The following KCNN3 variants were observed in gnomAD, a reference collection of about 807,000 sequenced individuals.
KCNN3 encodes potassium calcium-activated channel subfamily N member 3, also known as small conductance calcium-activated potassium channel protein 3.
KCNN3 carries 16 observed loss-of-function variants against 62.9 expected under a neutral mutation model. The ratio of observed to expected loss-of-function variants is 0.25; its 90% CI spans 0.17 to 0.39. The LOEUF (loss-of-function observed/expected upper bound fraction) is 0.39. KCNN3 is among the 10% of genes least tolerant of loss of function. The pLI is 1.00. For missense variants in KCNN3, 599 were observed against 949.4 expected, an observed-to-expected ratio of 0.63 and a Z score of 4.85; for synonymous variants, 370 against 389.2, an observed-to-expected ratio of 0.95 and a Z score of 0.58.
intron 3 of KCNN3, among the ~76,000 whole-genome samples, chr1:154,755,589 AAGGG>A (rs542171950): frequency 0.16 from 18,810 of 115,016 alleles, 1,993 homozygotes; most frequent in African/African-American, 0.28. Flanking sequence ...AGAAAGAAAG[AAGGG>A]AGGGAGGGAG....
intron 1 of KCNN3, chr1:154,867,816 TACAC>T: frequency 7.7e-6 from 2 of 259,004 alleles, no homozygotes; most frequent in Non-Finnish European, 1.2e-5. Flanking sequence ...ATTACGCACA[TACAC>T]ACACACACAC....
In KCNN3 at chr1:154,707,908, G is replaced by A; in HGVS notation, c.*68C>T. On this transcript the variant is annotated 3_prime_UTR_variant, in exon 8 of 8. Transcript: ENST00000271915. Reference sequence around the variant, plus strand: ...GGTCTGAATGTTTCTTGATGGCAAAGCGACCAGGAGAGAGTTGATTTGCAT... The same window carrying A: ...GGTCTGAATGTTTCTTGATGGCAAAACGACCAGGAGAGAGTTGATTTGCAT... 6.7e-7 allele frequency: 1 copy of A among 1,502,970 alleles called. No individual in the cohort carries two copies. The highest frequency in any genetic ancestry group is 9.0e-7 in the Non-Finnish European group (1 of 1,105,916). 93.1% of individuals were successfully genotyped at this position (1,502,970 alleles called of 1,614,324 possible). A position where few individuals can be genotyped will look rare whatever the true frequency, so the allele number is the denominator to read the frequency against.
chr1:154,730,141 G>C (rs1182583223), intron 4 of KCNN3, among the ~76,000 whole-genome samples: 1 of 152,212 alleles, frequency 6.6e-6, no homozygotes, highest in Non-Finnish European at 1.5e-5. Context: ...TCTCTCTACT[G>C]TGTTGTCACC....
intron 2 of KCNN3, among the ~76,000 whole-genome samples, chr1:154,813,769 A>G (rs2101886655): frequency 6.6e-6 from 1 of 152,244 alleles, no homozygotes; most frequent in Admixed American, 6.5e-5. Flanking sequence ...ACAAAACAGA[A>G]AGTCAATACA....
In KCNN3 at chr1:154,862,461, G is replaced by A. The variant is rs1652804882; in HGVS notation, c.933+6571C>T. Among the ~76,000 whole-genome samples, 1 of 152,142 alleles carries A rather than the reference G, an allele frequency of 6.6e-6. No individual in the cohort carries two copies. The highest frequency in any genetic ancestry group is 1.5e-5 in the Non-Finnish European group (1 of 68,018). On this transcript the variant is annotated intron_variant, in intron 1 of 7. Coordinates refer to ENST00000271915, the MANE Select transcript of KCNN3 (RefSeq NM_002249.6). This position sits in a 1 kb window ranked among gnomAD's most constrained non-coding sequence, Gnocchi z 4.1. ...TGGAGGTGAGGGGTGAGAGAGTTAT[G>A]TATGGACATGTCCAGTCAGGTCTAG...
intron 3 of KCNN3, among the ~76,000 whole-genome samples, chr1:154,760,671 C>T (rs555705575): frequency 5.3e-5 from 8 of 152,334 alleles, no homozygotes; most frequent in Admixed American, 3.3e-4. Context: ...GGGAACCACC[C>T]GCGGACTCGC....
At chr1:154,728,380 C>T (rs1213760074) in intron 4 of KCNN3, among the ~76,000 whole-genome samples, 1 of 152,172 alleles carries the variant, frequency 6.6e-6, no homozygotes, top group Non-Finnish European at 1.5e-5. Context: ...TTAATTCCAA[C>T]TTAAATGGAT....
chr1:154,733,337 C>T (rs1700639373), intron 3 of KCNN3, among the ~76,000 whole-genome samples, 193 bp from the exon 4 acceptor site: 1 of 152,200 alleles, frequency 6.6e-6, no homozygotes, highest in African/African-American at 2.4e-5. Context: ...CCTGCAGCCC[C>T]CCGTCCCGTT....
At chr1:154,794,892 G>A (rs1464064296) in intron 2 of KCNN3, among the ~76,000 whole-genome samples, 1 of 152,164 alleles carries the variant, frequency 6.6e-6, no homozygotes, top group Non-Finnish European at 1.5e-5. Flanking sequence ...CTCTGAGGAG[G>A]CAGGGAGCTC....
intron 1 of KCNN3, among the ~76,000 whole-genome samples, chr1:154,843,835 G>A (rs1651932410): frequency 6.6e-6 from 1 of 152,228 alleles, no homozygotes; most frequent in Non-Finnish European, 1.5e-5. Flanking sequence ...ACAGACGTTT[G>A]GAGAAATAAT....
chr1:154,751,170 C>T (rs1469175262), intron 3 of KCNN3, among the ~76,000 whole-genome samples: 1 of 152,194 alleles, frequency 6.6e-6, no homozygotes, highest in African/African-American at 2.4e-5. Flanking sequence ...CCGCCCAACT[C>T]GCGGTGTGAG....
chr1:154,841,004 CA>C (rs1370141189), intron 1 of KCNN3, among the ~76,000 whole-genome samples: 3 of 150,228 alleles, frequency 2.0e-5, no homozygotes, highest in Non-Finnish European at 4.5e-5. Context: ...AGGTGGAGAC[CA>C]GGGGCAGGCC....
rs186060202 is a variant in KCNN3 at position 154,771,026 on chromosome 1, C to T, written c.1448+949G>A. Among the ~76,000 whole-genome samples, 206 of 151,704 alleles carry T rather than the reference C, an allele frequency of 1.4e-3. 1 individual carries two copies. Among genetic ancestry groups the T allele is most frequent in the African/African-American group, 4.8e-3 (198 of 41,270 alleles). ...GAGCAGAGACTATGCCACTGCACTC[C>T]AGCCTGGGCGAGAGAGCGAGACTCC... On this transcript the variant is annotated intron_variant, in intron 3 of 7. Transcript: ENST00000271915.
intron 6 of KCNN3, 121 bp downstream of exon 6, chr1:154,714,755 T>A: frequency 7.3e-7 from 1 of 1,361,750 alleles, no homozygotes; most frequent in Non-Finnish European, 1.0e-6. Flanking sequence ...TCAGACCCAG[T>A]TCACCACTCC....
intron 2 of KCNN3, among the ~76,000 whole-genome samples, chr1:154,778,993 G>T (rs555229936): frequency 4.6e-5 from 7 of 152,224 alleles, no homozygotes; most frequent in African/African-American, 1.7e-4. Flanking sequence ...TACAGCAGAG[G>T]TTTAAAAAAT....
intron 3 of KCNN3, 75 bp from the exon 4 acceptor site, chr1:154,733,219 G>T: frequency 6.8e-7 from 1 of 1,480,916 alleles, no homozygotes; most frequent in Non-Finnish European, 9.4e-7. Context: ...AACCTAGAGC[G>T]GGGAAGGAAA....
intron 1 of KCNN3, among the ~76,000 whole-genome samples, chr1:154,834,236 G>T (rs952205251): frequency 6.6e-6 from 1 of 152,186 alleles, no homozygotes; most frequent in South Asian, 2.1e-4. Flanking sequence ...GGCACGACAC[G>T]AGCCCCACTG....
chr1:154,711,709 T>C (rs964705709), intron 7 of KCNN3, among the ~76,000 whole-genome samples: 2 of 152,178 alleles, frequency 1.3e-5, no homozygotes, highest in African/African-American at 4.8e-5. Context: ...TGGCCAATGC[T>C]GATTGGTCCC....
rs769522199 is a variant in KCNN3, at chr1:154,725,884, C to T, written c.1701+32G>A. The T allele has an allele frequency of 1.1e-5, 17 of 1,544,538 alleles. No homozygotes were observed. The Middle Eastern group carries it at 5.0e-4, about 46-fold the overall frequency. On this transcript the variant is annotated intron_variant, in intron 5 of 7. Transcript: ENST00000271915. ...ATTGGCTTCCACTGTGGCCTTAAGT[C>T]CCCCATAAGACATGGCTGTGTGGCA...
Sources: gnomAD v4.1 joint callset for allele counts (sites outside exome capture counted in the v4.1 genomes callset) on GRCh38, gnomAD v4.1.1 for gene constraint, Gnocchi (gnomAD v3.1) non-coding constraint, MANE v1.5 for transcripts, NCBI Gene and HGNC (gene_info 2026-07-23, HGNC 2026-07-21) for gene names.